JMJD6: variants seen among roughly 807,000 people sequenced by gnomAD.
The protein encoded by JMJD6 is jumonji domain containing 6, arginine demethylase and lysine hydroxylase.
Under a neutral mutation model 45.8 loss-of-function variants are expected in JMJD6, and 17 were observed. The observed-to-expected ratio is 0.37, with a 90% CI of 0.25 to 0.56. JMJD6 has a LOEUF of 0.56. Among genes scored for constraint, JMJD6 ranks in the 20% least tolerant of loss-of-function variants. The pLI, the probability that JMJD6 is intolerant of heterozygous loss-of-function variation, is 0.79. For missense variants in JMJD6, 470 were observed against 517.5 expected, an observed-to-expected ratio of 0.91 and a Z score of 0.89; for synonymous variants, 221 against 196.3, an observed-to-expected ratio of 1.13 and a Z score of -1.05.
At chr17:76,724,823 GA>G (rs895554641) in intron 2 of JMJD6, among the ~76,000 whole-genome samples, 9 of 141,730 alleles carry the variant, frequency 6.4e-5, no homozygotes, top group African/African-American at 1.8e-4. Context: ...TCTCAATGAA[GA>G]AAAAAAAAAG....
chr17:76,724,132 A>G lies in JMJD6; in HGVS notation c.519-74T>C, dbSNP rs2076865361. ...ATACCACACAAAACAATAAGTTTTT[A>G]GTTTTTCTTTGAGAGTCTTGCTCTA... On this transcript the variant is annotated intron_variant, in intron 2 of 5. Transcript: ENST00000397625. The G allele has an allele frequency of 9.2e-6, 14 of 1,524,464 alleles. No homozygotes were observed. The South Asian group carries it at 1.7e-4, about 18-fold the overall frequency. The allele number at this position is 1,524,464 out of a possible 1,614,324, so 94.4% of individuals were successfully genotyped here.
intron 3 of JMJD6, among the ~76,000 whole-genome samples, chr17:76,723,485 G>C (rs1305854828): frequency 6.6e-6 from 1 of 150,444 alleles, no homozygotes; most frequent in Non-Finnish European, 1.5e-5. Flanking sequence ...CTGTCACCCT[G>C]GCTGGAGTGC....
At chr17:76,722,845 CAAAAAAAA>C (rs71158058) in intron 3 of JMJD6, among the ~76,000 whole-genome samples, 6 of 43,270 alleles carry the variant, frequency 1.4e-4, no homozygotes, top group Non-Finnish European at 1.4e-4. Flanking sequence ...GACTTGGTCT[CAAAAAAAA>C]AAAAAAAAAA....
At chr17:76,717,843 T>C (rs1046348677), downstream of JMJD6, among the ~76,000 whole-genome samples, 2 of 150,856 alleles carry the variant, frequency 1.3e-5, no homozygotes, top group African/African-American at 4.9e-5. Context: ...AAAAAAAAAT[T>C]AGCTGGGCGT....
intron 3 of JMJD6, among the ~76,000 whole-genome samples, chr17:76,722,225 G>A (rs566922255): frequency 1.3e-5 from 2 of 152,216 alleles, no homozygotes; most frequent in South Asian, 2.1e-4. Flanking sequence ...TTGACTCCCC[G>A]GCCCTTTATA....
At chr17:76,716,574 C>A (rs1275208761), downstream of JMJD6, 1 of 986,962 alleles carries the variant, frequency 1.0e-6, no homozygotes, top group Non-Finnish European at 1.6e-6. Flanking sequence ...GAAGGAATAT[C>A]CAAATTCAAA....
chr17:76,718,967 C>G, intron 5 of JMJD6, 107 bp from the exon 6 acceptor site: 1 of 1,099,728 alleles, frequency 9.1e-7, no homozygotes. Flanking sequence ...GTCACTTTCT[C>G]CCAAATGCAA....
Position 76,723,784 on chromosome 17 carries a change from C to G in JMJD6, c.793G>C (p.Val265Leu). The change falls in exon 3 of 6, where the codon GTC (valine) becomes CTC (leucine). Residue 265 changes from valine (V) to leucine (L), a missense_variant. Val to Leu is a conservative substitution (Grantham distance 32, BLOSUM62 1). Transcript: ENST00000397625. ...AGTTCATCTATACCTGGTACAAAGA[C>G]AGTCTCTCCTGGTTTTTGTAAGATT... ...LEILQKPGETVFVPGGWWHVV... is the reference protein window; with the variant it reads ...LEILQKPGETLFVPGGWWHVV... 1 of 1,614,058 alleles carries G rather than the reference C, an allele frequency of 6.2e-7. No individual in the cohort carries two copies. Among genetic ancestry groups the G allele is most frequent in the East Asian group, 2.2e-5 (1 of 44,880 alleles).
intron 2 of JMJD6, 49 bp from the exon 3 acceptor site, chr17:76,724,107 A>G (rs2076864811): frequency 6.4e-7 from 1 of 1,573,764 alleles, no homozygotes; most frequent in Non-Finnish European, 8.7e-7. Flanking sequence ...ACTTACACAC[A>G]TACCACACAA....
chr17:76,713,808 T>G (rs1206797708), downstream of JMJD6: 1 of 152,244 alleles, frequency 6.6e-6, no homozygotes, highest in Non-Finnish European at 1.5e-5. Flanking sequence ...GTTACTACCT[T>G]AAGTATACAT....
intron 2 of JMJD6, 70 bp from the exon 3 acceptor site, chr17:76,724,128 TTTTAG>T: frequency 6.5e-7 from 1 of 1,537,860 alleles, no homozygotes; most frequent in Non-Finnish European, 8.9e-7. Flanking sequence ...AACAATAAGT[TTTTAG>T]TTTTTCTTTG....
intron 3 of JMJD6, among the ~76,000 whole-genome samples, chr17:76,722,625 T>A (rs1369173175): frequency 6.6e-6 from 1 of 151,934 alleles, no homozygotes; most frequent in Non-Finnish European, 1.5e-5. Context: ...ACGGGTGGGT[T>A]GCCTGAGCTC....
chr17:76,722,663 T>C (rs941543652), intron 3 of JMJD6, among the ~76,000 whole-genome samples: 11 of 151,692 alleles, frequency 7.3e-5, no homozygotes, highest in Non-Finnish European at 1.3e-4. Context: ...CTGGGCAACA[T>C]GATGAAACCC....
At position 76,725,813 on chromosome 17, in the gene JMJD6, C is replaced by T; in HGVS notation, c.172G>A (p.Glu58Lys). The change falls in exon 2 of 6, where the codon GAA becomes AAA. Residue 58 changes from glutamate to lysine, a missense_variant. By Grantham distance (56) the Glu-to-Lys change is moderately conservative (BLOSUM62 1). This residue lies in a region of JMJD6 where 346 missense variants were observed against 339.5 expected (regional missense o/e 1.02). Transcript: ENST00000397625. ...RADALQLSVE[E>K]FVERYERPYK... ...GGTCTTTCATACCGCTCCACAAATT[C>T]TTCCACAGACAGCTGTAAAGCATCT... is the stretch of plus-strand genomic sequence containing the variant. 1 of 1,613,792 alleles carries T rather than the reference C, an allele frequency of 6.2e-7. No individual in the cohort carries two copies. The highest frequency in any genetic ancestry group is 1.1e-5 in the South Asian group (1 of 91,064).
chr17:76,721,574 T>G (rs2076824626), intron 4 of JMJD6, among the ~76,000 whole-genome samples: 2 of 152,202 alleles, frequency 1.3e-5, no homozygotes, highest in Non-Finnish European at 2.9e-5. Context: ...CTGAGTGGCT[T>G]GGATTCAACA....
At chr17:76,724,167 C>G in intron 2 of JMJD6, 109 bp from the exon 3 acceptor site, 2 of 1,236,884 alleles carry the variant, frequency 1.6e-6, no homozygotes, top group South Asian at 2.9e-5. Flanking sequence ...ATCACCCAGG[C>G]TGGAATGCAG....
intron 4 of JMJD6, 146 bp downstream of exon 4, chr17:76,721,652 T>C (rs2076825950): frequency 3.5e-6 from 3 of 867,380 alleles, no homozygotes; most frequent in Admixed American, 2.7e-5. Flanking sequence ...CCTTGGCCCC[T>C]CTCTCCTCTA....
In JMJD6 at chr17:76,725,372, C is replaced by T. The variant is rs60813889; in HGVS notation, c.518+95G>A. On this transcript the variant is annotated intron_variant, in intron 2 of 5. Transcript: ENST00000397625. ...TGTGAGCCGAGATCGCACCACGGCA[C>T]TGCAGCCTGGGCTACAAGAGTGACG... 6,391 of 1,227,452 alleles carry T rather than the reference C, an allele frequency of 5.2e-3. 246 individuals are homozygous for T. The African/African-American group carries it at 0.091, about 17-fold the overall frequency. 76.0% of individuals were successfully genotyped at this position (1,227,452 alleles called of 1,614,324 possible). A position where few individuals can be genotyped will look rare whatever the true frequency, so the allele number is the denominator to read the frequency against.
At position 76,720,512 on chromosome 17, in the gene JMJD6, A is replaced by C. The variant is rs754614245; in HGVS notation, c.942-14T>G. 6.2e-7 allele frequency: 1 copy of C among 1,613,584 alleles called. No individual in the cohort carries two copies. Among genetic ancestry groups the C allele is most frequent in the East Asian group, 2.2e-5 (1 of 44,874 alleles). On this transcript the variant is annotated splice_polypyrimidine_tract_variant and intron_variant, in intron 4 of 5. Transcript: ENST00000397625. ...TGCTTCAAAATCCTGAGAGGCAAGA[A>C]GTGTTGTTCTCAGTGCACTGACAGC...
Sources: gnomAD v4.1 joint callset for allele counts (sites outside exome capture counted in the v4.1 genomes callset) on GRCh38, gnomAD v4.1.1 for gene constraint, gnomAD v4.1.1 regional missense constraint, MANE v1.5 for transcripts, NCBI Gene and HGNC (gene_info 2026-07-23, HGNC 2026-07-21) for gene names.